MBOAT2: variants seen among roughly 807,000 people sequenced by gnomAD.
MBOAT2 encodes membrane-bound glycerophospholipid O-acyltransferase 2.
In MBOAT2, 28 loss-of-function variants were observed where a neutral mutation model predicts 63.4. The ratio of observed to expected loss-of-function variants is 0.44; its 90% CI spans 0.33 to 0.61. MBOAT2 has a LOEUF of 0.61. Ranked by LOEUF, MBOAT2 falls within the 20% of genes least tolerant of loss-of-function variation. The probability of loss-of-function intolerance (pLI) is 0.03; values close to 1 mark genes in which losing one functional copy is unlikely to be tolerated. For synonymous variants in MBOAT2, 211 were observed against 215.6 expected (o/e 0.98, Z 0.19); for missense variants, 470 against 605.8 (o/e 0.78, Z 2.35).
Position 8,855,874 on chromosome 2 carries a change from A to T in MBOAT2, c.*2805T>A, listed in dbSNP as rs922915266. On this transcript the variant is annotated 3_prime_UTR_variant, in exon 13 of 13. Transcript: ENST00000305997. ...ATTTCATGATACCTGAATAGTGGAA[A>T]ATATAAAACATAAATATGCATTGAA... is the stretch of plus-strand genomic sequence containing the variant. 1.3e-5 allele frequency: 2 copies of T among 152,220 alleles called. No homozygotes were observed. The highest frequency in any genetic ancestry group is 4.8e-5 in the African/African-American group (2 of 41,452). 9.4% of individuals were successfully genotyped at this position (152,220 alleles called of 1,614,324 possible).
chr2:8,958,246 T>C (rs1669364447), intron 2 of MBOAT2, among the ~76,000 whole-genome samples: 1 of 152,220 alleles, frequency 6.6e-6, no homozygotes, highest in Non-Finnish European at 1.5e-5. Context: ...ATCAAATGCC[T>C]TTATATCCTC....
At position 8,853,042 on chromosome 2, in the gene MBOAT2, T is replaced by C. The variant is rs367630092; in HGVS notation, c.*5637A>G. 4.6e-5 allele frequency: 7 copies of C among 152,360 alleles called. No individual in the cohort carries two copies. In the South Asian group the frequency reaches 8.3e-4, roughly 18 times the overall value. The allele number at this position is 152,360 out of a possible 1,614,324, so 9.4% of individuals were successfully genotyped here. On this transcript the variant is annotated 3_prime_UTR_variant, in exon 13 of 13. Transcript: ENST00000305997. Reference sequence around the variant, plus strand: ...AATACTAAATTCTGGCTGCTGGAGTTGGGTCTCTCCTCATGTTTGGGCGAC... The same window carrying C: ...AATACTAAATTCTGGCTGCTGGAGTCGGGTCTCTCCTCATGTTTGGGCGAC...
intron 3 of MBOAT2, among the ~76,000 whole-genome samples, chr2:8,920,763 T>C (rs1311392711): frequency 6.6e-6 from 1 of 152,236 alleles, no homozygotes; most frequent in Non-Finnish European, 1.5e-5. Flanking sequence ...AGTATTTTAT[T>C]CTTTTTGATG....
intron 8 of MBOAT2, among the ~76,000 whole-genome samples, chr2:8,868,751 T>A (rs1377418330): frequency 6.6e-6 from 1 of 152,096 alleles, no homozygotes; most frequent in African/African-American, 2.4e-5. Context: ...ACATGAGACA[T>A]CATGCATGAG....
At chr2:8,891,765 G>A (rs971529612) in intron 4 of MBOAT2, among the ~76,000 whole-genome samples, 34 of 152,322 alleles carry the variant, frequency 2.2e-4, no homozygotes, top group African/African-American at 8.2e-4. Flanking sequence ...AGGAGAGGCA[G>A]AAGGCTTTGG....
intron 4 of MBOAT2, among the ~76,000 whole-genome samples, chr2:8,903,047 T>C (rs780831461): frequency 2.0e-5 from 3 of 152,154 alleles, no homozygotes; most frequent in African/African-American, 4.8e-5. Context: ...AGAATGCTGA[T>C]TGGTGCATTT....
chr2:8,875,231 C>T (rs1447838308), intron 7 of MBOAT2, among the ~76,000 whole-genome samples: 1 of 152,144 alleles, frequency 6.6e-6, no homozygotes, highest in African/African-American at 2.4e-5. Flanking sequence ...TTATGACTAA[C>T]TACCACTATT....
At chr2:8,890,990 A>G (rs1466599700) in intron 4 of MBOAT2, among the ~76,000 whole-genome samples, 2 of 152,140 alleles carry the variant, frequency 1.3e-5, no homozygotes, top group Non-Finnish European at 2.9e-5. Flanking sequence ...ACTACAAAAA[A>G]CCCATGAGCT....
intron 2 of MBOAT2, among the ~76,000 whole-genome samples, chr2:8,956,053 A>G (rs539995659): frequency 6.6e-6 from 1 of 152,310 alleles, no homozygotes; most frequent in South Asian, 2.1e-4. Context: ...TTTTAAATGC[A>G]CTGGGAAACC....
chr2:8,957,568 T>A (rs188951652), intron 2 of MBOAT2, among the ~76,000 whole-genome samples: 5 of 152,214 alleles, frequency 3.3e-5, no homozygotes, highest in Admixed American at 2.0e-4. Flanking sequence ...AAAAACAACA[T>A]CCTAGAACAA....
intron 1 of MBOAT2, among the ~76,000 whole-genome samples, chr2:8,990,527 T>C (rs1041854352): frequency 1.3e-5 from 2 of 152,104 alleles, no homozygotes; most frequent in Non-Finnish European, 2.9e-5. Flanking sequence ...CCCAATGAAA[T>C]ATTCATTTAA....
At chr2:8,941,655 A>G (rs80279606) in intron 3 of MBOAT2, among the ~76,000 whole-genome samples, 2 of 139,668 alleles carry the variant, frequency 1.4e-5, no homozygotes, top group Non-Finnish European at 3.1e-5. Context: ...GTCTCAAAGG[A>G]AAAAAAAAAA....
chr2:8,985,132 T>C (rs1303223053), intron 1 of MBOAT2, among the ~76,000 whole-genome samples: 1 of 152,166 alleles, frequency 6.6e-6, no homozygotes, highest in Non-Finnish European at 1.5e-5. Context: ...GGCTTTAAGA[T>C]ATGCAAATCA....
chr2:8,943,157 T>A (rs1248925847), intron 3 of MBOAT2, 30 bp downstream of exon 3: 8 of 1,314,410 alleles, frequency 6.1e-6, no homozygotes, highest in South Asian at 1.6e-5. Context: ...GTGAAATATA[T>A]ATTTTCATGT....
intron 1 of MBOAT2, among the ~76,000 whole-genome samples, chr2:8,999,867 T>C (rs553102937): frequency 5.3e-5 from 8 of 152,370 alleles, no homozygotes; most frequent in African/African-American, 1.9e-4. Context: ...ATTTAAGGCC[T>C]ATTGAACAAA....
intron 1 of MBOAT2, among the ~76,000 whole-genome samples, chr2:8,969,163 A>G (rs962875714): frequency 2.0e-5 from 3 of 152,288 alleles, no homozygotes; most frequent in East Asian, 1.9e-4. Flanking sequence ...TCAGACTAAC[A>G]GCGGATCTCT....
intron 1 of MBOAT2, among the ~76,000 whole-genome samples, chr2:8,960,248 C>G (rs1316302076): frequency 6.6e-6 from 1 of 152,094 alleles, no homozygotes; most frequent in Non-Finnish European, 1.5e-5. Flanking sequence ...AACTTTGTTT[C>G]AAGTATCTCT....
intron 3 of MBOAT2, among the ~76,000 whole-genome samples, chr2:8,939,300 C>T (rs1351447616): frequency 6.6e-6 from 1 of 152,206 alleles, no homozygotes; most frequent in Non-Finnish European, 1.5e-5. Flanking sequence ...ACACACTCCA[C>T]AGCTGAACCC....
intron 3 of MBOAT2, among the ~76,000 whole-genome samples, chr2:8,939,467 T>C (rs1216975367): frequency 6.6e-6 from 1 of 152,188 alleles, no homozygotes; most frequent in Non-Finnish European, 1.5e-5. Context: ...GGGGGAAAGA[T>C]GTCTTGTGAC....
Sources: allele counts gnomAD v4.1 joint callset (sites outside exome capture counted in the v4.1 genomes callset), GRCh38; gene constraint gnomAD v4.1.1; transcripts MANE v1.5; gene names NCBI Gene and HGNC (gene_info 2026-07-23, HGNC 2026-07-21).